Variants in TMSB15B observed in about 807,000 individuals in gnomAD.
TMSB15B encodes the protein thymosin beta-15B.
At chrX:103,946,937 G>A (rs184214562) in intron 1 of TMSB15B, among the ~76,000 whole-genome samples, 1 of 111,296 alleles carries the variant, frequency 9.0e-6, no homozygotes, top group Non-Finnish European at 1.9e-5. Flanking sequence ...GAGAAAAGAC[G>A]AGCAAAGATT....
chrX:103,941,431 A>G (rs1259152993), intron 1 of TMSB15B, among the ~76,000 whole-genome samples: 30 of 111,352 alleles, frequency 2.7e-4, no homozygotes, highest in African/African-American at 8.8e-4. Flanking sequence ...GAACACCCAT[A>G]CCGTTTTCCA....
chrX:103,919,328 C>CCAT (rs1250316996), intron 1 of TMSB15B: 2 of 112,852 alleles, frequency 1.8e-5, no homozygotes, highest in Non-Finnish European at 3.7e-5. Flanking sequence ...TCCCTTCTCC[C>CCAT]CATCCCCTTC....
rs781841470 is a variant in TMSB15B at position 103,941,043 on chromosome X, A to G, written c.-720-20978A>G. On this transcript the variant is annotated intron_variant, in intron 1 of 3. Coordinates refer to the TMSB15B transcript ENST00000419165. Reference sequence around the variant, plus strand: ...TGCTCGCCCTCCGTGGGCTGCACCCACTGTCTAACCAGTCCCAATGAGATG... The same window carrying G: ...TGCTCGCCCTCCGTGGGCTGCACCCGCTGTCTAACCAGTCCCAATGAGATG... Among the ~76,000 whole-genome samples the G allele has an allele frequency of 7.2e-5, 8 of 110,793 alleles. No homozygotes were observed. The East Asian group carries it at 2.3e-3, about 32-fold the overall frequency.
At chrX:103,922,314 C>A (rs1316519103) in intron 1 of TMSB15B, among the ~76,000 whole-genome samples, 20 of 106,631 alleles carry the variant, frequency 1.9e-4, no homozygotes, top group African/African-American at 6.9e-4. Flanking sequence ...CCCATTAACT[C>A]GTCATTTACA....
At chrX:103,928,910 G>T in intron 1 of TMSB15B, 15 of 1,206,911 alleles carry the variant, frequency 1.2e-5, no homozygotes, top group Non-Finnish European at 1.6e-5. Flanking sequence ...ATCTACCGTG[G>T]AGGCTCCCTG....
intron 1 of TMSB15B, among the ~76,000 whole-genome samples, chrX:103,933,394 C>T (rs1477125210): frequency 3.6e-5 from 4 of 110,791 alleles, no homozygotes; most frequent in East Asian, 2.8e-4. Context: ...TACGCTCAGA[C>T]GAGAATTGCC....
intron 1 of TMSB15B, chrX:103,931,401 T>A (rs1275509709): frequency 4.5e-5 from 5 of 111,793 alleles, no homozygotes; most frequent in African/African-American, 1.3e-4. Flanking sequence ...CCATGTCCCC[T>A]TTACCCTAAT....
chrX:103,925,502 A>C (rs2074965773), intron 1 of TMSB15B, among the ~76,000 whole-genome samples: 1 of 112,592 alleles, frequency 8.9e-6, no homozygotes, highest in African/African-American at 3.2e-5. Flanking sequence ...TTCTCTATCA[A>C]CTACTGGCCT....
chrX:103,928,267 C>T, intron 1 of TMSB15B: 1 of 1,206,827 alleles, frequency 8.3e-7, no homozygotes, highest in Non-Finnish European at 1.1e-6. Flanking sequence ...GGCAACAGAT[C>T]CATGCCATGG....
chrX:103,930,755 AATAATAATAAT>A lies in TMSB15B; in HGVS notation c.-721+11465_-721+11475del, dbSNP rs2074982787. On this transcript the variant is annotated intron_variant, in intron 1 of 3. Transcript: ENST00000419165. Reference sequence around the variant, plus strand: ...TAATAATAATAATAATAATAATAATAATAATAATAATAAATTACTTTCAACTGGAACATTTG... The same window carrying A: ...TAATAATAATAATAATAATAATAATAAAATTACTTTCAACTGGAACATTTG... Among the ~76,000 whole-genome samples the A allele has an allele frequency of 7.9e-4, 84 of 106,820 alleles. 1 individual carries two copies. The highest frequency in any genetic ancestry group is 2.7e-3 in the African/African-American group (80 of 29,490). The allele number at this position is 106,820 out of a possible 115,157, so 92.8% of individuals were successfully genotyped here.
At chrX:103,923,838 TG>T (rs1210737773) in intron 1 of TMSB15B, among the ~76,000 whole-genome samples, 2 of 111,941 alleles carry the variant, frequency 1.8e-5, no homozygotes, top group African/African-American at 3.3e-5. Context: ...TCCATGAGCA[TG>T]GAAGGTTCTT....
At chrX:103,919,660 A>T (rs1418155161) in intron 1 of TMSB15B, 1 of 112,292 alleles carries the variant, frequency 8.9e-6, no homozygotes, top group Non-Finnish European at 1.9e-5. Context: ...CTATTCTGTT[A>T]GATTAAGGGA....
intron 1 of TMSB15B, among the ~76,000 whole-genome samples, chrX:103,947,208 A>G (rs782559308): frequency 2.7e-5 from 3 of 112,111 alleles, no homozygotes; most frequent in Non-Finnish European, 5.6e-5. Context: ...ATTAACTACA[A>G]ATTCACGACA....
intron 1 of TMSB15B, among the ~76,000 whole-genome samples, chrX:103,937,919 A>T (rs183491952): frequency 5.3e-4 from 59 of 111,394 alleles, no homozygotes; most frequent in African/African-American, 1.7e-3. Flanking sequence ...CCTTAATTTC[A>T]TTATTTACCC....
At chrX:103,951,184 A>T (rs189583430) in intron 1 of TMSB15B, among the ~76,000 whole-genome samples, 39 of 111,657 alleles carry the variant, frequency 3.5e-4, no homozygotes, top group African/African-American at 1.2e-3. Flanking sequence ...CCTCGCTTTG[A>T]CTTAAGAGGT....
intron 1 of TMSB15B, among the ~76,000 whole-genome samples, chrX:103,921,966 T>C (rs1328499486): frequency 8.9e-6 from 1 of 111,983 alleles, no homozygotes; most frequent in African/African-American, 3.2e-5. Flanking sequence ...CTTTGCTGCC[T>C]TCCAAACAAG....
intron 1 of TMSB15B, chrX:103,928,474 G>C: frequency 4.2e-6 from 5 of 1,203,529 alleles, no homozygotes; most frequent in Non-Finnish European, 5.6e-6. Context: ...GTCTGGCCTG[G>C]TGGAGGCTGT....
chrX:103,930,202 C>A (rs2147818497), intron 1 of TMSB15B, among the ~76,000 whole-genome samples: 1 of 111,770 alleles, frequency 8.9e-6, no homozygotes, highest in East Asian at 2.8e-4. Context: ...ATTCCATGAA[C>A]TTTCCCATGG....
chrX:103,926,476 G>A (rs2074968328), intron 1 of TMSB15B, among the ~76,000 whole-genome samples: 1 of 70,210 alleles, frequency 1.4e-5, no homozygotes, highest in Non-Finnish European at 2.7e-5. Context: ...TATGGATGTA[G>A]TGGGGGGGAT....
Sources: gnomAD v4.1 joint callset for allele counts (sites outside exome capture counted in the v4.1 genomes callset) on GRCh38, gnomAD v4.1.1 for gene constraint, MANE v1.5 for transcripts, NCBI Gene and HGNC (gene_info 2026-07-23, HGNC 2026-07-21) for gene names.